SH3BGRL2: variants seen among roughly 807,000 people sequenced by gnomAD.
SH3BGRL2 encodes SH3 domain binding glutamate rich protein like 2, also known as SH3 domain-binding glutamic acid-rich-like protein 2.
SH3BGRL2 carries 21 observed loss-of-function variants against 14.8 expected under a neutral mutation model. That is an observed-to-expected ratio of 1.42 (90% CI 1.01 to 2.05). The LOEUF (loss-of-function observed/expected upper bound fraction) is 2.05. Ranked by LOEUF, SH3BGRL2 falls within the 30% of genes most tolerant of loss-of-function variation. The pLI is 0.00. For missense variants in SH3BGRL2, 147 were observed against 130.8 expected (o/e 1.12, Z -0.61); for synonymous variants, 50 against 47.8 (o/e 1.05, Z -0.19).
intron 2 of SH3BGRL2, among the ~76,000 whole-genome samples, chr6:79,693,761 A>G (rs1404173718): frequency 6.6e-6 from 1 of 152,190 alleles, no homozygotes; most frequent in Non-Finnish European, 1.5e-5. Context: ...TCGGTTTATC[A>G]AATCTGTTTT....
At chr6:79,577,181 A>G in the SH3BGRL2 span, among the ~76,000 whole-genome samples, 1 of 152,218 alleles carries the variant, frequency 6.6e-6, no homozygotes, top group Non-Finnish European at 1.5e-5. Flanking sequence ...TTAATTGACC[A>G]TATATGTGTA....
chr6:79,679,387 T>A (rs1406295461), intron 2 of SH3BGRL2, among the ~76,000 whole-genome samples: 1 of 146,662 alleles, frequency 6.8e-6, no homozygotes, highest in Non-Finnish European at 1.5e-5. Flanking sequence ...TTTTTTTCAT[T>A]TTTTTTTTTG....
intron 1 of SH3BGRL2, among the ~76,000 whole-genome samples, chr6:79,648,284 T>TATATATATATATA (rs1769188010): frequency 9.9e-5 from 4 of 40,580 alleles, no homozygotes; most frequent in South Asian, 1.1e-3. Context: ...ATATATATAT[T>TATATATATATATA]TGACATATAT....
At chr6:79,623,601 G>C in the SH3BGRL2 span, among the ~76,000 whole-genome samples, 1 of 152,198 alleles carries the variant, frequency 6.6e-6, no homozygotes, top group Non-Finnish European at 1.5e-5. Context: ...GTATTAGATG[G>C]AGATGGACAC....
At chr6:79,576,330 G>A in the SH3BGRL2 span, among the ~76,000 whole-genome samples, 3 of 152,090 alleles carry the variant, frequency 2.0e-5, no homozygotes, top group African/African-American at 7.2e-5. Context: ...TCCTTCTTCA[G>A]AAGTGCTTCA....
chr6:79,540,975 G>A, the SH3BGRL2 span, among the ~76,000 whole-genome samples: 37 of 152,154 alleles, frequency 2.4e-4, 1 homozygote, highest in Middle Eastern at 3.4e-3. Flanking sequence ...GTTTCCAGCC[G>A]GGCATGGTGG....
chr6:79,647,464 T>G (rs917913974), intron 1 of SH3BGRL2, among the ~76,000 whole-genome samples: 2 of 152,170 alleles, frequency 1.3e-5, no homozygotes, highest in African/African-American at 4.8e-5. Context: ...CTCCTATGTA[T>G]TTATGAATAT....
At chr6:79,550,463 C>T in the SH3BGRL2 span, among the ~76,000 whole-genome samples, 9 of 152,120 alleles carry the variant, frequency 5.9e-5, no homozygotes, top group Non-Finnish European at 1.3e-4. Context: ...AGCTTCAGAT[C>T]CTTTTTTCCT....
chr6:79,558,140 A>G, the SH3BGRL2 span, among the ~76,000 whole-genome samples: 10 of 152,344 alleles, frequency 6.6e-5, no homozygotes, highest in South Asian at 1.0e-3. Context: ...TATGTAAGGA[A>G]GGAGAAGATA....
intron 1 of SH3BGRL2, among the ~76,000 whole-genome samples, chr6:79,649,132 T>C (rs1479993372): frequency 6.6e-6 from 1 of 152,136 alleles, no homozygotes; most frequent in Non-Finnish European, 1.5e-5. Flanking sequence ...AATGGGAAGC[T>C]CTGAGAAGTG....
chr6:79,587,797 G>A, the SH3BGRL2 span, among the ~76,000 whole-genome samples: 1 of 152,152 alleles, frequency 6.6e-6, no homozygotes, highest in East Asian at 1.9e-4. Context: ...CAGAAATGAA[G>A]ACCTAAAGAA....
chr6:79,592,851 G>A, the SH3BGRL2 span, among the ~76,000 whole-genome samples: 8 of 152,048 alleles, frequency 5.3e-5, no homozygotes, highest in Non-Finnish European at 7.4e-5. Flanking sequence ...CAAGAGTTAC[G>A]TGAATTTTCT....
chr6:79,689,338 C>T (rs1022513736), intron 2 of SH3BGRL2, among the ~76,000 whole-genome samples: 5 of 151,946 alleles, frequency 3.3e-5, no homozygotes, highest in East Asian at 3.9e-4. Flanking sequence ...ATAAAAATAA[C>T]GCTTATAATT....
chr6:79,578,548 G>C, the SH3BGRL2 span, among the ~76,000 whole-genome samples: 1 of 146,822 alleles, frequency 6.8e-6, no homozygotes, highest in Admixed American at 6.8e-5. Context: ...CAGATCTGCA[G>C]CTGAGGGACC....
the SH3BGRL2 span, among the ~76,000 whole-genome samples, chr6:79,549,863 T>G: frequency 1.3e-5 from 2 of 152,136 alleles, no homozygotes; most frequent in Non-Finnish European, 2.9e-5. Flanking sequence ...AAACATTCAG[T>G]GGGCTACTGA....
the SH3BGRL2 span, among the ~76,000 whole-genome samples, chr6:79,555,138 A>G: frequency 1.3e-5 from 2 of 152,150 alleles, no homozygotes; most frequent in Admixed American, 1.3e-4. Flanking sequence ...TTTAAAAACC[A>G]TGTTTTAAAA....
At chr6:79,642,064 G>A (rs1768844705) in intron 1 of SH3BGRL2, among the ~76,000 whole-genome samples, 1 of 152,106 alleles carries the variant, frequency 6.6e-6, no homozygotes, top group Non-Finnish European at 1.5e-5. Flanking sequence ...TTACTACTAT[G>A]CACATAGTCA....
the SH3BGRL2 span, among the ~76,000 whole-genome samples, chr6:79,601,268 G>C: frequency 1.3e-5 from 2 of 152,204 alleles, no homozygotes; most frequent in African/African-American, 4.8e-5. Context: ...GCTCACTGCA[G>C]CCTTGATGTC....
the SH3BGRL2 span, among the ~76,000 whole-genome samples, chr6:79,584,129 A>G: frequency 6.6e-6 from 1 of 152,046 alleles, no homozygotes; most frequent in African/African-American, 2.4e-5. Context: ...ACTTTATTTT[A>G]TTTTTACTTT....
Sources: allele counts gnomAD v4.1 joint callset (sites outside exome capture counted in the v4.1 genomes callset), GRCh38; gene constraint gnomAD v4.1.1; transcripts MANE v1.5; gene names NCBI Gene and HGNC (gene_info 2026-07-23, HGNC 2026-07-21).